CNTNAP2: variants seen among roughly 807,000 people sequenced by gnomAD.
The protein encoded by CNTNAP2 is contactin associated protein 2, also known as contactin-associated protein-like 2.
Under a neutral mutation model 155.2 loss-of-function variants are expected in CNTNAP2, and 98 were observed. The ratio of observed to expected loss-of-function variants is 0.63; its 90% CI spans 0.54 to 0.75. The LOEUF is 0.75. CNTNAP2 is among the 30% of genes least tolerant of loss of function. CNTNAP2 has a pLI of 0.00. For missense variants in CNTNAP2, 1,727 were observed against 1,688.1 expected (o/e 1.02, Z -0.40); for synonymous variants, 651 against 631.2 (o/e 1.03, Z -0.47).
intron 22 of CNTNAP2, among the ~76,000 whole-genome samples, chr7:148,393,868 C>G (rs1359011750): frequency 6.6e-6 from 1 of 151,562 alleles, no homozygotes; most frequent in East Asian, 1.9e-4. Flanking sequence ...TTTATTTTTC[C>G]ATAAACTCCC....
chr7:147,236,428 T>C (rs1356439082), intron 8 of CNTNAP2, among the ~76,000 whole-genome samples: 1 of 152,150 alleles, frequency 6.6e-6, no homozygotes, highest in Non-Finnish European at 1.5e-5. Context: ...CTTGTTTTTT[T>C]TTTTTTAACA....
chr7:147,090,366 T>C (rs1800376877), intron 4 of CNTNAP2, among the ~76,000 whole-genome samples: 1 of 148,842 alleles, frequency 6.7e-6, no homozygotes, highest in Admixed American at 6.6e-5. Context: ...AATTCTCTGG[T>C]ATTTACAACA....
chr7:147,553,299 G>A (rs1423615421), intron 11 of CNTNAP2, among the ~76,000 whole-genome samples: 1 of 152,116 alleles, frequency 6.6e-6, no homozygotes, highest in Admixed American at 6.6e-5. Flanking sequence ...AAGAGAGGAG[G>A]TAAATGGAGA....
At position 147,341,090 on chromosome 7, in the gene CNTNAP2, G is replaced by GTGTGTATA. The variant is rs143428303; in HGVS notation, c.1498+40801_1498+40802insGTGTATAT. On this transcript the variant is annotated intron_variant, in intron 9 of 23. Transcript: ENST00000361727. Reference sequence around the variant, plus strand: ...TGTGTTTGTGTGTGTGTGTGTGTGTGTATATATATACATATATTTATATTA... The same window carrying GTGTGTATA: ...TGTGTTTGTGTGTGTGTGTGTGTGTGTGTGTATATATATATATACATATATTTATATTA... Among the ~76,000 whole-genome samples the GTGTGTATA allele has an allele frequency of 1.5e-3, 207 of 140,270 alleles. 4 individuals are homozygous for GTGTGTATA. The highest frequency in any genetic ancestry group is 6.5e-4 in the South Asian group (3 of 4,584). 92.0% of individuals were successfully genotyped at this position (140,270 alleles called of 152,430 possible).
intron 15 of CNTNAP2, among the ~76,000 whole-genome samples, chr7:148,015,527 G>T (rs758843421): frequency 2.0e-4 from 31 of 152,298 alleles, no homozygotes; most frequent in Middle Eastern, 6.8e-3. Context: ...ACTGTTCTGT[G>T]CAAGTGATCA....
intron 1 of CNTNAP2, among the ~76,000 whole-genome samples, chr7:146,667,177 G>A (rs992212738): frequency 1.3e-5 from 2 of 151,950 alleles, no homozygotes; most frequent in Admixed American, 6.6e-5. Context: ...TGAGAGGTGG[G>A]GGATTAGTTA....
At chr7:147,271,955 C>T (rs1246468746) in intron 8 of CNTNAP2, among the ~76,000 whole-genome samples, 1 of 152,098 alleles carries the variant, frequency 6.6e-6, no homozygotes, top group Non-Finnish European at 1.5e-5. Context: ...TGCTATGGCG[C>T]AGTCTTGGCT....
At chr7:146,391,750 T>TTTG (rs148790995) in intron 1 of CNTNAP2, among the ~76,000 whole-genome samples, 40 of 116,762 alleles carry the variant, frequency 3.4e-4, no homozygotes, top group East Asian at 5.8e-4. Flanking sequence ...GAACACGGTT[T>TTTG]TTGTTGTTGT....
chr7:147,964,248 T>C (rs566817924), intron 14 of CNTNAP2, among the ~76,000 whole-genome samples: 8 of 152,246 alleles, frequency 5.3e-5, no homozygotes, highest in African/African-American at 1.9e-4. Context: ...ATGTTGATCT[T>C]GGACTTCAAG....
chr7:146,949,276 G>A (rs1336740614), intron 3 of CNTNAP2, among the ~76,000 whole-genome samples: 1 of 152,216 alleles, frequency 6.6e-6, no homozygotes, highest in Non-Finnish European at 1.5e-5. Flanking sequence ...ATACATGCAA[G>A]CTTCTGCCCC....
chr7:147,310,450 G>T (rs537528898), intron 9 of CNTNAP2, among the ~76,000 whole-genome samples: 3 of 152,038 alleles, frequency 2.0e-5, no homozygotes, highest in Non-Finnish European at 4.4e-5. Flanking sequence ...AAATAATACG[G>T]ATAACACTAA....
At chr7:146,624,699 T>C (rs891999633) in intron 1 of CNTNAP2, among the ~76,000 whole-genome samples, 1 of 151,994 alleles carries the variant, frequency 6.6e-6, no homozygotes, top group Non-Finnish European at 1.5e-5. Context: ...GTATTGTAGC[T>C]ATTTCATGTC....
At chr7:147,348,689 C>A (rs1286785758) in intron 9 of CNTNAP2, among the ~76,000 whole-genome samples, 1 of 152,050 alleles carries the variant, frequency 6.6e-6, no homozygotes, top group African/African-American at 2.4e-5. Context: ...GAGATATCTA[C>A]ACCCCCATGT....
At chr7:147,470,244 A>T (rs543235703) in intron 10 of CNTNAP2, among the ~76,000 whole-genome samples, 2 of 152,370 alleles carry the variant, frequency 1.3e-5, no homozygotes, top group African/African-American at 2.4e-5. Flanking sequence ...GAAATAATCC[A>T]AGCATGCTAT....
intron 3 of CNTNAP2, among the ~76,000 whole-genome samples, chr7:146,924,883 C>T (rs893878004): frequency 1.3e-5 from 2 of 151,972 alleles, no homozygotes; most frequent in Non-Finnish European, 2.9e-5. Flanking sequence ...ACCCATAACA[C>T]TGAAGGAAAA....
intron 1 of CNTNAP2, among the ~76,000 whole-genome samples, chr7:146,587,318 T>G (rs951250840): frequency 6.6e-6 from 1 of 152,182 alleles, no homozygotes; most frequent in Admixed American, 6.5e-5. Context: ...GGTACAAAAC[T>G]TATTTTTCTC....
intron 10 of CNTNAP2, among the ~76,000 whole-genome samples, chr7:147,482,021 A>T (rs567058292): frequency 6.6e-6 from 1 of 152,288 alleles, no homozygotes; most frequent in Admixed American, 6.5e-5. Flanking sequence ...TTGGTGGTGT[A>T]ACATTCTAGC....
chr7:146,200,572 C>A (rs1798845218), intron 1 of CNTNAP2, among the ~76,000 whole-genome samples: 1 of 151,680 alleles, frequency 6.6e-6, no homozygotes, highest in Non-Finnish European at 1.5e-5. Flanking sequence ...CTATGCTTTC[C>A]TTTGTTTCTA....
intron 8 of CNTNAP2, among the ~76,000 whole-genome samples, chr7:147,291,422 T>C (rs1490671233): frequency 6.6e-6 from 1 of 152,188 alleles, no homozygotes; most frequent in Non-Finnish European, 1.5e-5. Context: ...GTTATTTTTA[T>C]GTCCAGGTTT....
Sources: gnomAD v4.1 joint callset for allele counts (sites outside exome capture counted in the v4.1 genomes callset) on GRCh38, gnomAD v4.1.1 for gene constraint, MANE v1.5 for transcripts, NCBI Gene and HGNC (gene_info 2026-07-23, HGNC 2026-07-21) for gene names.